The following EXOC6 variants were observed in gnomAD, a reference collection of about 807,000 sequenced individuals.
The protein encoded by EXOC6 is exocyst complex component 6.
Under a neutral mutation model 112.5 loss-of-function variants are expected in EXOC6, and 60 were observed. The observed-to-expected ratio is 0.53, with a 90% CI of 0.43 to 0.66. The LOEUF is 0.66. EXOC6 is among the 30% of genes least tolerant of loss of function. The probability of loss-of-function intolerance (pLI) is 0.00; values close to 1 mark genes in which losing one functional copy is unlikely to be tolerated. For missense variants in EXOC6, 855 were observed against 957.1 expected (o/e 0.89, Z 1.41); for synonymous variants, 295 against 308.0 (o/e 0.96, Z 0.44).
At chr10:92,851,324 TA>T (rs1239522248) in intron 1 of EXOC6, among the ~76,000 whole-genome samples, 19 of 152,194 alleles carry the variant, frequency 1.2e-4, no homozygotes, top group East Asian at 3.9e-4. Flanking sequence ...GATAAACCTT[TA>T]GGGGTAGAAA....
intron 20 of EXOC6, among the ~76,000 whole-genome samples, chr10:93,034,431 C>A (rs1845417224): frequency 6.6e-6 from 1 of 152,050 alleles, no homozygotes; most frequent in Non-Finnish European, 1.5e-5. Flanking sequence ...TCTACCATAC[C>A]CCCAAATGAT....
chr10:92,917,272 T>G (rs1851142551), intron 7 of EXOC6, among the ~76,000 whole-genome samples: 1 of 152,020 alleles, frequency 6.6e-6, no homozygotes, highest in Non-Finnish European at 1.5e-5. Context: ...AATCTAATTA[T>G]TTTTATAGTG....
intron 1 of EXOC6, chr10:92,878,434 A>G (rs1356438921): frequency 1.3e-5 from 2 of 152,068 alleles, no homozygotes; most frequent in South Asian, 4.1e-4. Flanking sequence ...CCTTTTTCCC[A>G]TGATTCTTCC....
intron 20 of EXOC6, among the ~76,000 whole-genome samples, chr10:93,016,100 A>C (rs1844496795): frequency 6.6e-6 from 1 of 152,076 alleles, no homozygotes; most frequent in Admixed American, 6.5e-5. Flanking sequence ...TAAGTAAATG[A>C]CTATTATTTT....
At chr10:92,902,820 A>G (rs117502727) in intron 5 of EXOC6, among the ~76,000 whole-genome samples, 3,259 of 152,196 alleles carry the variant, frequency 0.021, 53 homozygotes, top group Non-Finnish European at 0.036. Context: ...ATCATAGGTT[A>G]GTTTTGTGTG....
intron 5 of EXOC6, among the ~76,000 whole-genome samples, chr10:92,908,462 T>C (rs1156658079): frequency 6.6e-6 from 1 of 152,180 alleles, no homozygotes; most frequent in Non-Finnish European, 1.5e-5. Context: ...GCTTTTAATG[T>C]CATCCAATTC....
Position 92,920,038 on chromosome 10 carries a change from T to C in EXOC6, c.876T>C (p.Ile292=). Residue 292 remains isoleucine, a synonymous_variant, in exon 8 of 22, where the codon ATT becomes ATC. Transcript: ENST00000260762. ...CCCCTGTTTATCGATGTTTGCACATTTATTCTGTTTTGGTAAGTATGTTTT... is the reference window on the plus strand; with the variant it reads ...CCCCTGTTTATCGATGTTTGCACATCTATTCTGTTTTGGTAAGTATGTTTT... ...DFSPVYRCLH[I]YSVLGDEETF... is the part of the protein sequence containing the mutation. The C allele has an allele frequency of 1.3e-6, 2 of 1,599,604 alleles. No individual in the cohort carries two copies. The highest frequency in any genetic ancestry group is 1.7e-6 in the Non-Finnish European group (2 of 1,169,754).
intron 1 of EXOC6, among the ~76,000 whole-genome samples, chr10:92,884,626 G>C (rs1432676991): frequency 2.0e-5 from 3 of 152,136 alleles, no homozygotes; most frequent in Admixed American, 2.0e-4. Context: ...ATTAGAATTA[G>C]ATACTTTGAG....
intron 7 of EXOC6, among the ~76,000 whole-genome samples, chr10:92,919,180 A>G (rs1473290754): frequency 1.3e-5 from 2 of 152,080 alleles, no homozygotes; most frequent in African/African-American, 4.8e-5. Context: ...TGGGAGCATC[A>G]CCATCATGCC....
At chr10:92,862,330 G>GC (rs138648625) in intron 1 of EXOC6, among the ~76,000 whole-genome samples, 1,784 of 122,412 alleles carry the variant, frequency 0.015, 16 homozygotes, top group African/African-American at 0.042. Context: ...GAAGTTTCAT[G>GC]CCCCCCCCCC....
chr10:92,929,984 G>T (rs926558551), intron 9 of EXOC6, among the ~76,000 whole-genome samples: 7 of 152,050 alleles, frequency 4.6e-5, no homozygotes, highest in Admixed American at 4.6e-4. Flanking sequence ...AGGAATCCCA[G>T]GTACCTTAAA....
chr10:93,055,333 A>C (rs561330934), intron 20 of EXOC6, among the ~76,000 whole-genome samples: 4 of 152,306 alleles, frequency 2.6e-5, no homozygotes, highest in African/African-American at 9.6e-5. Context: ...CAGTCTCTTA[A>C]TATTGAGATT....
chr10:92,976,750 C>T (rs1370956219), intron 18 of EXOC6, among the ~76,000 whole-genome samples: 1 of 150,740 alleles, frequency 6.6e-6, no homozygotes, highest in Non-Finnish European at 1.5e-5. Flanking sequence ...ATTTTTGAGC[C>T]AAGAGAGTAA....
At chr10:92,849,549 A>G (rs1847224317) in intron 1 of EXOC6, among the ~76,000 whole-genome samples, 1 of 152,186 alleles carries the variant, frequency 6.6e-6, no homozygotes, top group African/African-American at 2.4e-5. Flanking sequence ...TTGGAGTGAT[A>G]ATAATGATAA....
Position 93,024,031 on chromosome 10 carries a change from T to G in EXOC6, c.2169+9764T>G, listed in dbSNP as rs528152800. Among the ~76,000 whole-genome samples the G allele has an allele frequency of 2.6e-5, 4 of 152,336 alleles. No homozygotes were observed. In the South Asian group the frequency reaches 8.3e-4, roughly 32 times the overall value. On this transcript the variant is annotated intron_variant, in intron 20 of 21. Transcript: ENST00000260762. ...GAAGGTGTCTCTCACTTTCATAGCT[T>G]CTAACGGCATATAATTTCCACAGTA... is the stretch of plus-strand genomic sequence containing the variant.
chr10:92,874,556 A>ATGTG (rs139632796), intron 1 of EXOC6, among the ~76,000 whole-genome samples: 1 of 151,308 alleles, frequency 6.6e-6, no homozygotes, highest in Non-Finnish European at 1.5e-5. Flanking sequence ...ATTGTAAGAA[A>ATGTG]TGTGTGTGTG....
At chr10:92,976,301 G>A (rs900405313) in intron 18 of EXOC6, among the ~76,000 whole-genome samples, 3 of 152,242 alleles carry the variant, frequency 2.0e-5, no homozygotes, top group Non-Finnish European at 4.4e-5. Flanking sequence ...AGGTAGACAT[G>A]AGAGACTTTT....
intron 8 of EXOC6, among the ~76,000 whole-genome samples, chr10:92,922,981 A>G (rs550912975): frequency 6.6e-6 from 1 of 152,294 alleles, no homozygotes; most frequent in East Asian, 1.9e-4. Flanking sequence ...GGGAAGCCCA[A>G]CCTGTCTTCA....
At chr10:92,983,313 C>G (rs1842890240) in intron 18 of EXOC6, among the ~76,000 whole-genome samples, 1 of 152,056 alleles carries the variant, frequency 6.6e-6, no homozygotes, top group Non-Finnish European at 1.5e-5. Flanking sequence ...ATTTCCACTC[C>G]CAGTCTTCCA....
Sources: allele counts gnomAD v4.1 joint callset (sites outside exome capture counted in the v4.1 genomes callset), GRCh38; gene constraint gnomAD v4.1.1; transcripts MANE v1.5; gene names NCBI Gene and HGNC (gene_info 2026-07-23, HGNC 2026-07-21).